Variants in UGT2A3 observed in about 807,000 individuals in gnomAD.
UGT2A3 encodes the protein UDP-glucuronosyltransferase 2A3.
A neutral mutation model predicts 44.1 loss-of-function variants in UGT2A3; 55 were observed. That is an observed-to-expected ratio of 1.25 (90% CI 1.00 to 1.56). UGT2A3 has a LOEUF of 1.56. Ranked by LOEUF, UGT2A3 falls within the 40% of genes most tolerant of loss-of-function variation. The pLI is 0.00. For synonymous variants in UGT2A3, 243 were observed against 215.1 expected (o/e 1.13, Z -1.13); for missense variants, 733 against 621.6 (o/e 1.18, Z -1.91).
chr4:68,933,242 TG>T (rs1262060554), intron 2 of UGT2A3, among the ~76,000 whole-genome samples: 1 of 152,012 alleles, frequency 6.6e-6, no homozygotes, highest in African/African-American at 2.4e-5. Flanking sequence ...TATGGGTTCA[TG>T]GAAATTAAAA....
At chr4:68,948,260 C>T (rs1453234038) in intron 1 of UGT2A3, among the ~76,000 whole-genome samples, 1 of 151,614 alleles carries the variant, frequency 6.6e-6, no homozygotes, top group Non-Finnish European at 1.5e-5. Flanking sequence ...GCAGTTTATT[C>T]CTGTAAACCT....
At chr4:68,949,245 C>T (rs914358639) in intron 1 of UGT2A3, among the ~76,000 whole-genome samples, 19 of 151,854 alleles carry the variant, frequency 1.3e-4, no homozygotes, top group African/African-American at 4.3e-4. Context: ...AAACTTATTC[C>T]TTTATATTTT....
intron 1 of UGT2A3, 32 bp from the exon 2 acceptor site, chr4:68,945,486 A>G (rs2109793307): frequency 6.6e-7 from 1 of 1,525,042 alleles, no homozygotes; most frequent in Non-Finnish European, 8.8e-7. Context: ...ATGAATTAGC[A>G]TACAATTCAA....
chr4:68,936,840 A>G (rs1289469916), intron 2 of UGT2A3, among the ~76,000 whole-genome samples: 2 of 150,368 alleles, frequency 1.3e-5, no homozygotes. Flanking sequence ...AGACACACAT[A>G]GACACAAAAT....
At chr4:68,937,130 C>A (rs1235316939) in intron 2 of UGT2A3, among the ~76,000 whole-genome samples, 7 of 151,892 alleles carry the variant, frequency 4.6e-5, no homozygotes, top group Admixed American at 3.9e-4. Context: ...ACTTTAACAC[C>A]CCACTGTTGT....
intron 1 of UGT2A3, among the ~76,000 whole-genome samples, chr4:68,948,439 C>CTTTTTTTTTTTTTTTTTTTTTTTT (rs60082800): frequency 1.8e-5 from 2 of 110,152 alleles, no homozygotes; most frequent in East Asian, 2.9e-4. Flanking sequence ...TCTTTTTTTT[C>CTTTTTTTTTTTTTTTTTTTTTTTT]TTTTTTTTTT....
rs953508833 is a variant in UGT2A3, at chr4:68,951,369, T to C, written c.392A>G (p.Asn131Ser). 2 of 1,612,614 alleles carry C rather than the reference T, an allele frequency of 1.2e-6. No individual in the cohort carries two copies. Among genetic ancestry groups the C allele is most frequent in the Non-Finnish European group, 1.7e-6 (2 of 1,179,290 alleles). The change falls in exon 1 of 6, where the codon AAT becomes AGT. Residue 131 changes from asparagine to serine, a missense_variant. By Grantham distance (46) the Asn-to-Ser change is conservative. Coordinates refer to ENST00000251566, the MANE Select transcript of UGT2A3 (RefSeq NM_024743.4). ...CTGTAGCTTCTTCATAAGCGTCTGATTGTAGATAAAGCTCTCACACATCAT... is the reference window on the plus strand; with the variant it reads ...CTGTAGCTTCTTCATAAGCGTCTGACTGTAGATAAAGCTCTCACACATCAT... ...LKMMCESFIYNQTLMKKLQET... is the reference protein window; with the variant it reads ...LKMMCESFIYSQTLMKKLQET...
intron 2 of UGT2A3, among the ~76,000 whole-genome samples, chr4:68,941,104 AC>A (rs2109788332): frequency 6.6e-6 from 1 of 151,506 alleles, no homozygotes; most frequent in South Asian, 2.1e-4. Context: ...AAAACCTGGC[AC>A]TCCCTCACAT....
At chr4:68,951,000 T>C in intron 1 of UGT2A3, 46 bp downstream of exon 1, 1 of 1,345,030 alleles carries the variant, frequency 7.4e-7, no homozygotes, top group East Asian at 2.6e-5. Context: ...TTTTTAAAAA[T>C]ATTTCTTTTG....
intron 2 of UGT2A3, among the ~76,000 whole-genome samples, chr4:68,941,191 G>A (rs1718175218): frequency 6.6e-6 from 1 of 151,606 alleles, no homozygotes; most frequent in African/African-American, 2.4e-5. Flanking sequence ...ACCACAAGTG[G>A]AAGCATCTTG....
Position 68,951,417 on chromosome 4 carries a change from A to G in UGT2A3, c.344T>C (p.Val115Ala), listed in dbSNP as rs1718586948. 4 of 1,611,844 alleles carry G rather than the reference A, an allele frequency of 2.5e-6. No homozygotes were observed. The East Asian group carries it at 6.7e-5, about 27-fold the overall frequency. ...QSVIKLNDFF[V>A]EIRGTLKMMC... is the part of the protein sequence containing the mutation. Reference sequence around the variant, plus strand: ...CATTTTTAAAGTTCCTCTTATTTCAACAAAAAAATCATTTAATTTTATAAC... The same window carrying G: ...CATTTTTAAAGTTCCTCTTATTTCAGCAAAAAAATCATTTAATTTTATAAC... The change falls in exon 1 of 6, where the codon GTT becomes GCT. Residue 115 changes from valine (V) to alanine (A), a missense_variant. Val to Ala is a moderately conservative substitution (Grantham distance 64). Coordinates refer to ENST00000251566, the MANE Select transcript of UGT2A3 (RefSeq NM_024743.4).
chr4:68,940,386 A>G (rs1432922901), intron 2 of UGT2A3, among the ~76,000 whole-genome samples: 1 of 152,110 alleles, frequency 6.6e-6, no homozygotes, highest in Non-Finnish European at 1.5e-5. Context: ...GGATGAGTTC[A>G]TGTCCTTTTG....
rs561471622 is a variant in UGT2A3, at chr4:68,932,661, G to C, written c.963C>G (p.Ile321Met). The C allele has an allele frequency of 3.9e-5, 63 of 1,611,248 alleles. No individual in the cohort carries two copies. The South Asian group carries it at 6.4e-4, about 16-fold the overall frequency. The stretch of plus-strand genomic sequence containing the variant: ...GGATCTGGGCAAGGGCTGAAGCAAT[G>C]ATATTAGCCTTTTCTTCTGTAACAT... Reference protein sequence around the residue: ...FQNVTEEKANIIASALAQIPQ... With the variant: ...FQNVTEEKANMIASALAQIPQ... The change falls in exon 3 of 6, where the codon ATC becomes ATG. Residue 321 changes from isoleucine to methionine, a missense_variant. Transcript: ENST00000251566.
At position 68,951,793 on chromosome 4, in the gene UGT2A3, G is replaced by A. The variant is rs751867005; in HGVS notation, c.-33C>T. The A allele has an allele frequency of 1.0e-5, 15 of 1,477,206 alleles. No individual in the cohort carries two copies. The highest frequency in any genetic ancestry group is 2.8e-5 in the African/African-American group (2 of 70,722). 91.5% of individuals were successfully genotyped at this position (1,477,206 alleles called of 1,614,324 possible). A position where few individuals can be genotyped will look rare whatever the true frequency, so the allele number is the denominator to read the frequency against. ...GTTCCCTCACACACTGATCTGCAAT[G>A]GTTTTGTAGTTACTAAGCAAGGAGT... On this transcript the variant is annotated 5_prime_UTR_variant, in exon 1 of 6. Transcript: ENST00000251566.
intron 1 of UGT2A3, among the ~76,000 whole-genome samples, chr4:68,950,511 A>G (rs1339671428): frequency 1.3e-5 from 2 of 151,916 alleles, no homozygotes; most frequent in Non-Finnish European, 2.9e-5. Flanking sequence ...GTAGGTGTAT[A>G]TCAGTAAAGT....
intron 2 of UGT2A3, among the ~76,000 whole-genome samples, chr4:68,936,918 T>C: frequency 7.8e-6 from 1 of 128,358 alleles, no homozygotes; most frequent in Non-Finnish European, 1.7e-5. Context: ...AAGCAGAGGT[T>C]GCAATCCTAG....
At chr4:68,940,009 T>C (rs906162054) in intron 2 of UGT2A3, among the ~76,000 whole-genome samples, 4 of 151,934 alleles carry the variant, frequency 2.6e-5, no homozygotes, top group African/African-American at 9.7e-5. Flanking sequence ...TACCATCTCA[T>C]GTGAGTTAGA....
chr4:68,939,452 G>C (rs1230510076), intron 2 of UGT2A3, among the ~76,000 whole-genome samples: 1 of 152,114 alleles, frequency 6.6e-6, no homozygotes, highest in Non-Finnish European at 1.5e-5. Context: ...ATGGAGAAAG[G>C]ATTCCCTATT....
intron 1 of UGT2A3, among the ~76,000 whole-genome samples, chr4:68,946,496 G>T (rs1238813652): frequency 1.3e-5 from 2 of 151,548 alleles, no homozygotes; most frequent in Non-Finnish European, 3.0e-5. Flanking sequence ...CCAAGCAAAT[G>T]CATTTATGTC....
Sources: gnomAD v4.1 joint callset for allele counts (sites outside exome capture counted in the v4.1 genomes callset) on GRCh38, gnomAD v4.1.1 for gene constraint, MANE v1.5 for transcripts, NCBI Gene and HGNC (gene_info 2026-07-23, HGNC 2026-07-21) for gene names.